Variants in PRKCH observed in about 807,000 individuals in gnomAD.
PRKCH encodes protein kinase C eta.
Under a neutral mutation model 82.5 loss-of-function variants are expected in PRKCH, and 28 were observed. The ratio of observed to expected loss-of-function variants is 0.34; its 90% CI spans 0.25 to 0.47. The LOEUF (loss-of-function observed/expected upper bound fraction) is 0.47, where lower values mean the gene tolerates loss of function less well. Among genes scored for constraint, PRKCH ranks in the 20% least tolerant of loss-of-function variants. PRKCH has a pLI of 1.00. For synonymous variants in PRKCH, 322 were observed against 327.4 expected, an observed-to-expected ratio of 0.98 and a Z score of 0.18; for missense variants, 705 against 881.8, an observed-to-expected ratio of 0.80 and a Z score of 2.54.
At chr14:61,311,591 G>GT (rs1254492327) in intron 1 of PRKCH, among the ~76,000 whole-genome samples, 2 of 152,132 alleles carry the variant, frequency 1.3e-5, no homozygotes, top group Admixed American at 1.3e-4. Context: ...CACATTTTCA[G>GT]GTATCTACAG....
At chr14:61,355,898 C>T (rs77140367) in intron 1 of PRKCH, among the ~76,000 whole-genome samples, 6,742 of 152,208 alleles carry the variant, frequency 0.044, 424 homozygotes, top group African/African-American at 0.14. Context: ...ACGTCAGGCC[C>T]GTGAGACTCA....
chr14:61,269,563 C>T (rs1033446251), intron 1 of PRKCH, among the ~76,000 whole-genome samples: 4 of 152,116 alleles, frequency 2.6e-5, no homozygotes, highest in East Asian at 3.9e-4. Context: ...CCCCTCTATG[C>T]GTCCATGTGT....
At chr14:61,265,212 G>A (rs1437061901) in intron 1 of PRKCH, among the ~76,000 whole-genome samples, 2 of 152,166 alleles carry the variant, frequency 1.3e-5, no homozygotes, top group East Asian at 3.8e-4. Context: ...CGGGTGCGGT[G>A]GCTCATGTCT....
intron 1 of PRKCH, among the ~76,000 whole-genome samples, chr14:61,246,284 T>C (rs1487658826): frequency 6.7e-6 from 1 of 150,250 alleles, no homozygotes; most frequent in East Asian, 2.0e-4. Flanking sequence ...GGCACGTGCC[T>C]GTAATCCCAG....
At chr14:61,279,446 C>G (rs2045236262) in intron 1 of PRKCH, 2 of 152,178 alleles carry the variant, frequency 1.3e-5, no homozygotes, top group African/African-American at 2.4e-5. Flanking sequence ...TCGTGATTCC[C>G]AAATTTGAGG....
intron 2 of PRKCH, among the ~76,000 whole-genome samples, chr14:61,407,528 C>T (rs1882017185): frequency 6.6e-6 from 1 of 152,184 alleles, no homozygotes; most frequent in African/African-American, 2.4e-5. Context: ...CTGCTGTCCC[C>T]TTCCAGCCCC....
At chr14:61,224,007 G>A (rs2044675504) in intron 1 of PRKCH, among the ~76,000 whole-genome samples, 1 of 152,134 alleles carries the variant, frequency 6.6e-6, no homozygotes, top group African/African-American at 2.4e-5. Context: ...CAGAGCCAGG[G>A]TGTATTTTTC....
chr14:61,307,227 T>C (rs771536521), intron 1 of PRKCH: 1 of 152,194 alleles, frequency 6.6e-6, no homozygotes, highest in African/African-American at 2.4e-5. Context: ...AGCAAGACTC[T>C]GGTCTCCACT....
chr14:61,208,570 A>G (rs1263047407), intron 1 of PRKCH, among the ~76,000 whole-genome samples: 1 of 152,232 alleles, frequency 6.6e-6, no homozygotes, highest in Non-Finnish European at 1.5e-5. Context: ...AGTTCTGAAT[A>G]TAATTTTAAA....
At chr14:61,274,188 T>C (rs2045183290) in intron 1 of PRKCH, among the ~76,000 whole-genome samples, 1 of 151,970 alleles carries the variant, frequency 6.6e-6, no homozygotes, top group Non-Finnish European at 1.5e-5. Context: ...AATGAATGAG[T>C]AAATTCTGGT....
At chr14:61,210,778 CTCTCTCTCTCTCT>C (rs1566782019) in intron 1 of PRKCH, among the ~76,000 whole-genome samples, 2 of 118,066 alleles carry the variant, frequency 1.7e-5, no homozygotes, top group Non-Finnish European at 4.0e-5. Context: ...CTCTCTCTCT[CTCTCTCTCTCTCT>C]GTGTGTGTGT....
chr14:61,371,650 A>G (rs1347427161), intron 1 of PRKCH, among the ~76,000 whole-genome samples: 5 of 152,086 alleles, frequency 3.3e-5, no homozygotes, highest in African/African-American at 1.2e-4. Context: ...TTACATGCAT[A>G]CATGCTATCA....
chr14:61,233,272 C>A (rs2044758736), intron 1 of PRKCH, among the ~76,000 whole-genome samples: 1 of 151,956 alleles, frequency 6.6e-6, no homozygotes, highest in African/African-American at 2.4e-5. Flanking sequence ...ACACCTGTAA[C>A]CCCAGCTACT....
At chr14:61,370,155 G>A (rs1375454349) in intron 1 of PRKCH, among the ~76,000 whole-genome samples, 1 of 151,990 alleles carries the variant, frequency 6.6e-6, no homozygotes, top group Non-Finnish European at 1.5e-5. Flanking sequence ...TGTTGCTCAG[G>A]CTGCCTCGAA....
chr14:61,314,791 T>C (rs1339219192), intron 1 of PRKCH, among the ~76,000 whole-genome samples: 2 of 152,192 alleles, frequency 1.3e-5, no homozygotes, highest in East Asian at 1.9e-4. Context: ...CATCATGAGC[T>C]GTGCATCCAC....
At chr14:61,528,973 C>CGGGTGTGTGT in intron 10 of PRKCH, 102 bp from the exon 11 acceptor site, 2 of 565,718 alleles carry the variant, frequency 3.5e-6, no homozygotes, top group Non-Finnish European at 5.2e-6. Flanking sequence ...TGTGGCCGCA[C>CGGGTGTGTGT]GTGTGTGTGT....
chr14:61,540,520 G>A (rs1049029917), intron 12 of PRKCH, among the ~76,000 whole-genome samples: 15 of 152,140 alleles, frequency 9.9e-5, no homozygotes, highest in African/African-American at 3.6e-4. Flanking sequence ...AGATGGGTCT[G>A]TTTCTCAGTT....
chr14:61,498,326 T>C (rs1886754891), intron 10 of PRKCH, among the ~76,000 whole-genome samples: 1 of 152,168 alleles, frequency 6.6e-6, no homozygotes, highest in Admixed American at 6.5e-5. Context: ...AATGCTATTT[T>C]AGAAGTGATC....
rs558238617 is a variant in PRKCH at position 61,383,551 on chromosome 14, C to T, written c.364-7674C>T. ...GAATATCAAATCCTGGCACCAGTTT[C>T]TTCCTTCTGCTGCTCATGAAGCTGT... On this transcript the variant is annotated intron_variant, in intron 1 of 13. Coordinates refer to ENST00000332981, the MANE Select transcript of PRKCH (RefSeq NM_006255.5). 1.5e-3 allele frequency among the ~76,000 whole-genome samples: 231 copies of T among 152,216 alleles called. 1 individual carries two copies. The highest frequency in any genetic ancestry group is 5.1e-3 in the African/African-American group (212 of 41,522).
Sources: allele counts gnomAD v4.1 joint callset (sites outside exome capture counted in the v4.1 genomes callset), GRCh38; gene constraint gnomAD v4.1.1; transcripts MANE v1.5; gene names NCBI Gene and HGNC (gene_info 2026-07-23, HGNC 2026-07-21).